Variants in NIN observed in about 807,000 individuals in gnomAD.
The protein encoded by NIN is glycogen synthase kinase 3 beta-interacting protein.
A neutral mutation model predicts 257.6 loss-of-function variants in NIN; 137 were observed. That is an observed-to-expected ratio of 0.53 (90% CI 0.46 to 0.61). The LOEUF is 0.61. Ranked by LOEUF, NIN falls within the 20% of genes least tolerant of loss-of-function variation. The pLI is 0.00. For synonymous variants in NIN, 918 were observed against 919.8 expected, an observed-to-expected ratio of 1.00 and a Z score of 0.04; for missense variants, 2,439 against 2,501.2, an observed-to-expected ratio of 0.98 and a Z score of 0.53.
Position 50,773,164 on chromosome 14 carries a change from C to T in NIN, c.667-69G>A, listed in dbSNP as rs1170823285. ...TACAAGGCCCAAAGTATACTTCCGGCCAGTAGTAATCAGTACCATGGTTGG... is the reference window on the plus strand; with the variant it reads ...TACAAGGCCCAAAGTATACTTCCGGTCAGTAGTAATCAGTACCATGGTTGG... On this transcript the variant is annotated intron_variant, in intron 7 of 30. Transcript: ENST00000530997. 3 of 1,281,038 alleles carry T rather than the reference C, an allele frequency of 2.3e-6. No individual in the cohort carries two copies. The African/African-American group carries it at 4.4e-5, about 19-fold the overall frequency. 79.4% of individuals were successfully genotyped at this position (1,281,038 alleles called of 1,614,324 possible).
At chr14:50,753,805 T>G (rs2041904492) in intron 20 of NIN, among the ~76,000 whole-genome samples, 1 of 152,178 alleles carries the variant, frequency 6.6e-6, no homozygotes, top group Non-Finnish European at 1.5e-5. Flanking sequence ...TCTTGCTAAT[T>G]CAATAGGTTA....
At chr14:50,819,779 C>G (rs1050056695) in intron 3 of NIN, among the ~76,000 whole-genome samples, 51 of 152,230 alleles carry the variant, frequency 3.4e-4, no homozygotes, top group African/African-American at 1.2e-3. Flanking sequence ...TTCTTTCTTT[C>G]TTTTTTAATT....
Position 50,757,185 on chromosome 14 carries a change from T to C in NIN, c.3845A>G (p.Glu1282Gly). 1 of 1,613,564 alleles carries C rather than the reference T, an allele frequency of 6.2e-7. No homozygotes were observed. The highest frequency in any genetic ancestry group is 8.5e-7 in the Non-Finnish European group (1 of 1,179,874). The stretch of plus-strand genomic sequence containing the variant: ...CAACCTGAAAACCTCTGCAGTGAGT[T>C]CTTTGTTATTTTCTAGTGCCTCATC... ...RYDEALENNK[E>G]LTAEVFRLQD... Residue 1282 changes from glutamate (E) to glycine (G), a missense_variant, in exon 18 of 31, where the codon GAA becomes GGA. By Grantham distance (98) the Glu-to-Gly change is moderately conservative (BLOSUM62 -2). Around this residue, in one of 3 missense-constraint regions of NIN, gnomAD observed 2,043 missense variants for 2,050.2 expected, o/e 1.00. Transcript: ENST00000530997.
intron 2 of NIN, among the ~76,000 whole-genome samples, chr14:50,824,386 C>T (rs115405493): frequency 1.4e-3 from 215 of 152,186 alleles, no homozygotes; most frequent in African/African-American, 4.8e-3. Flanking sequence ...CTCTTTATTT[C>T]ATCTCCTTCC....
intron 21 of NIN, 50 bp from the exon 22 acceptor site, chr14:50,748,155 G>C (rs1407382107): frequency 2.4e-6 from 3 of 1,268,036 alleles, no homozygotes; most frequent in Non-Finnish European, 3.4e-6. Flanking sequence ...ATTTAGGCTG[G>C]GGAAACTTAC....
chr14:50,821,729 G>A (rs749415936), intron 3 of NIN, 145 bp downstream of exon 3: 5 of 697,870 alleles, frequency 7.2e-6, no homozygotes, highest in African/African-American at 1.8e-5. Flanking sequence ...GGACTGTGAT[G>A]TCACACCCAT....
intron 4 of NIN, among the ~76,000 whole-genome samples, chr14:50,805,304 C>A (rs2044276118): frequency 6.6e-6 from 1 of 152,088 alleles, no homozygotes; most frequent in African/African-American, 2.4e-5. Flanking sequence ...AAAATGAGAC[C>A]ATATAAAAAC....
rs760849349 is a variant in NIN at position 50,763,893 on chromosome 14, C to G, written c.1707G>C (p.Arg569Ser). Residue 569 changes from arginine (R) to serine (S), a missense_variant, in exon 15 of 31, where the codon AGG becomes AGC. By Grantham distance (110) the Arg-to-Ser change is moderately radical (BLOSUM62 -1). This residue lies in a region of NIN where 2,043 missense variants were observed against 2,050.2 expected (regional missense o/e 1.00). Coordinates refer to ENST00000530997, the MANE Select transcript of NIN (RefSeq NM_020921.4). ...CTGACGGTGAGTTCTTCAACGGAAG[C>G]CTGAGCACTCTGCCTTGTGCACGAT... ...EEYRAQGRVLRLPLKNSPSEE... is the reference protein window; with the variant it reads ...EEYRAQGRVLSLPLKNSPSEE... 8.1e-6 allele frequency: 13 copies of G among 1,613,894 alleles called. No individual in the cohort carries two copies. The South Asian group carries it at 1.4e-4, about 18-fold the overall frequency.
chr14:50,797,579 G>A lies in NIN; in HGVS notation c.266-4698C>T, dbSNP rs143907238. 6.2e-3 allele frequency among the ~76,000 whole-genome samples: 943 copies of A among 152,296 alleles called. 5 individuals are homozygous for A. Among genetic ancestry groups the A allele is most frequent in the Non-Finnish European group, 0.01 (686 of 68,026 alleles). ...GGGAAAAGGCAGTCATGCAGCAAAT[G>A]AGCCCCACCCTGCCCCATTCTACAT... On this transcript the variant is annotated intron_variant, in intron 4 of 30. Transcript: ENST00000530997.
intron 28 of NIN, among the ~76,000 whole-genome samples, chr14:50,732,648 T>C (rs1165135934): frequency 6.6e-6 from 1 of 152,220 alleles, no homozygotes; most frequent in African/African-American, 2.4e-5. Flanking sequence ...CTAAAAACCA[T>C]TGAATTGTAC....
At chr14:50,773,960 C>G in intron 7 of NIN, among the ~76,000 whole-genome samples, 1 of 152,214 alleles carries the variant, frequency 6.6e-6, no homozygotes, top group East Asian at 1.9e-4. Flanking sequence ...AGCCCTCCCA[C>G]TAGCAGTCAG....
chr14:50,775,160 T>C (rs2042874234), intron 7 of NIN, among the ~76,000 whole-genome samples: 2 of 152,068 alleles, frequency 1.3e-5, no homozygotes, highest in East Asian at 1.9e-4. Flanking sequence ...TTACTGCCCA[T>C]AAAATGGAGC....
At chr14:50,797,384 G>A (rs1397348290) in intron 4 of NIN, among the ~76,000 whole-genome samples, 2 of 152,144 alleles carry the variant, frequency 1.3e-5, no homozygotes, top group Non-Finnish European at 2.9e-5. Context: ...TAGTGAGCCT[G>A]GGAAATCATT....
Position 50,723,346 on chromosome 14 carries a change from A to C in NIN, c.*117T>G, listed in dbSNP as rs962580953. The C allele has an allele frequency of 5.3e-6, 4 of 752,746 alleles. No homozygotes were observed. The highest frequency in any genetic ancestry group is 5.8e-5 in the Admixed American group (2 of 34,630). 46.6% of individuals were successfully genotyped at this position (752,746 alleles called of 1,614,324 possible). On this transcript the variant is annotated 3_prime_UTR_variant, in exon 31 of 31. Coordinates refer to ENST00000530997, the MANE Select transcript of NIN (RefSeq NM_020921.4). Reference sequence around the variant, plus strand: ...TAGAAAAACTAATTATGATAAATGGAAACTCCAGTTGTGTTGCTGGCAGTT... The same window carrying C: ...TAGAAAAACTAATTATGATAAATGGCAACTCCAGTTGTGTTGCTGGCAGTT...
At position 50,777,117 on chromosome 14, in the gene NIN, T is replaced by C. The variant is rs759444448; in HGVS notation, c.498A>G (p.Pro166=). ...EAEGQLRFWN[P]DDLNASQSGS... is the part of the protein sequence containing the mutation. ...CACTCTGTGAAGCATTCAAGTCATC[T>C]GGGTTCCAAAACCTTAACTGGCCTG... Residue 166 remains proline, a synonymous_variant, in exon 7 of 31, where the codon CCA becomes CCG. Transcript: ENST00000530997. 18 of 1,611,768 alleles carry C rather than the reference T, an allele frequency of 1.1e-5. No individual in the cohort carries two copies.
chr14:50,723,999 T>C (rs2040324882), intron 30 of NIN: 1 of 277,172 alleles, frequency 3.6e-6, no homozygotes, highest in Admixed American at 5.0e-5. Flanking sequence ...TCAAATACTT[T>C]TATAACTTAA....
intron 26 of NIN, among the ~76,000 whole-genome samples, 185 bp from the exon 27 acceptor site, chr14:50,738,471 T>G (rs908894213): frequency 1.3e-5 from 2 of 152,208 alleles, no homozygotes; most frequent in African/African-American, 4.8e-5. Flanking sequence ...GTGAGTCTGG[T>G]TGGGTCTGCA....
In NIN at chr14:50,726,003, TCA is replaced by T. The variant is rs767174149; in HGVS notation, c.6140_6141del (p.Leu2047GlnfsTer23). On this transcript the variant is annotated frameshift_variant, in exon 30 of 31. Coordinates refer to ENST00000530997, the MANE Select transcript of NIN (RefSeq NM_020921.4). LOFTEE classifies it high-confidence loss of function. ...TCTTGAAGAAGCCTTTTCACTAGTT[TCA>T]GTTTCTGTTCAACTTCTATCATTCG... Reference protein sequence around the residue: ...EERMIEVEQKLKLVKRLLQEK... With the variant: ...EERMIEVEQKXKLVKRLLQEK... 1.2e-6 allele frequency: 2 copies of T among 1,614,162 alleles called. No individual in the cohort carries two copies. The highest frequency in any genetic ancestry group is 8.5e-7 in the Non-Finnish European group (1 of 1,179,994).
At chr14:50,775,361 A>G (rs1034756778) in intron 7 of NIN, among the ~76,000 whole-genome samples, 2 of 152,168 alleles carry the variant, frequency 1.3e-5, no homozygotes, top group African/African-American at 2.4e-5. Context: ...TACAGGCATA[A>G]GACAGTGACT....
Sources: gnomAD v4.1 joint callset for allele counts (sites outside exome capture counted in the v4.1 genomes callset) on GRCh38, gnomAD v4.1.1 for gene constraint, gnomAD v4.1.1 regional missense constraint, MANE v1.5 for transcripts, NCBI Gene and HGNC (gene_info 2026-07-23, HGNC 2026-07-21) for gene names.